SOBP: variants seen among roughly 807,000 people sequenced by gnomAD.
SOBP encodes the protein sine oculis binding protein homolog.
In SOBP, 4 loss-of-function variants were observed where a neutral mutation model predicts 53.6. That is an observed-to-expected ratio of 0.07 (90% confidence interval 0.04 to 0.17). The LOEUF (loss-of-function observed/expected upper bound fraction) is 0.17. Ranked by LOEUF, SOBP falls within the 10% of genes least tolerant of loss-of-function variation. The pLI, the probability that SOBP is intolerant of heterozygous loss-of-function variation, is 1.00. For synonymous variants in SOBP, 584 were observed against 522.6 expected (o/e 1.12, Z -1.60); for missense variants, 1,088 against 1,204.7 (o/e 0.90, Z 1.43).
In SOBP at chr6:107,658,588, A is replaced by T. The variant is rs760830561; in HGVS notation, c.*385A>T. 6.6e-6 allele frequency: 1 copy of T among 152,656 alleles called. No homozygotes were observed. Among genetic ancestry groups the T allele is most frequent in the Non-Finnish European group, 1.5e-5 (1 of 68,038 alleles). The allele number at this position is 152,656 out of a possible 1,614,324, so 9.5% of individuals were successfully genotyped here. A position where few individuals can be genotyped will look rare whatever the true frequency, so the allele number is the denominator to read the frequency against. On this transcript the variant is annotated 3_prime_UTR_variant, in exon 7 of 7. Transcript: ENST00000317357. ...CGACTGAGGCTGGAAGATGATATGGATTGGAACACAAAAAATCTTTTTTTA... is the reference window on the plus strand; with the variant it reads ...CGACTGAGGCTGGAAGATGATATGGTTTGGAACACAAAAAATCTTTTTTTA...
intron 4 of SOBP, among the ~76,000 whole-genome samples, chr6:107,558,514 C>T (rs944322360): frequency 4.6e-5 from 7 of 151,986 alleles, no homozygotes; most frequent in East Asian, 1.9e-4. Flanking sequence ...GTGATCCGCC[C>T]GCCTCGGCCT....
At chr6:107,619,155 C>G (rs1392108257) in intron 5 of SOBP, among the ~76,000 whole-genome samples, 2 of 152,108 alleles carry the variant, frequency 1.3e-5, no homozygotes, top group Non-Finnish European at 2.9e-5. Context: ...TTATCATGTG[C>G]AGGATGGGGT....
At chr6:107,542,191 T>C (rs1784166953) in intron 4 of SOBP, among the ~76,000 whole-genome samples, 1 of 152,148 alleles carries the variant, frequency 6.6e-6, no homozygotes, top group Non-Finnish European at 1.5e-5. Flanking sequence ...AGTGAAGGGC[T>C]GCTGTTTCAT....
chr6:107,618,651 T>C (rs566965909), intron 5 of SOBP, among the ~76,000 whole-genome samples: 2 of 152,360 alleles, frequency 1.3e-5, no homozygotes, highest in South Asian at 4.1e-4. Context: ...ATACAAAAAA[T>C]AGCGATATGC....
In SOBP at chr6:107,593,718, T is replaced by C. The variant is rs1785843092; in HGVS notation, c.669+6543T>C. ...AGTATACCTAGCACCTAATAAAAGC[T>C]CAACAACCAGTAGTCTTATTACTAA... is the stretch of plus-strand genomic sequence containing the variant. On this transcript the variant is annotated intron_variant, in intron 5 of 6. Transcript: ENST00000317357. 4.6e-5 allele frequency among the ~76,000 whole-genome samples: 7 copies of C among 152,276 alleles called. No individual in the cohort carries two copies. The South Asian group carries it at 1.5e-3, about 32-fold the overall frequency.
chr6:107,514,476 A>G (rs1421377483), intron 3 of SOBP: 2 of 152,194 alleles, frequency 1.3e-5, no homozygotes, highest in Admixed American at 1.3e-4. Context: ...ATACTATGAT[A>G]TGGGTCCTGC....
intron 1 of SOBP, 146 bp downstream of exon 1, chr6:107,490,858 T>C: frequency 1.5e-6 from 1 of 666,972 alleles, no homozygotes; most frequent in Non-Finnish European, 2.7e-6. Context: ...CCTCCAGGTG[T>C]AAAGCAGAGG....
intron 3 of SOBP, among the ~76,000 whole-genome samples, chr6:107,517,691 CTACTT>C (rs970517545): frequency 6.6e-6 from 1 of 152,170 alleles, no homozygotes; most frequent in African/African-American, 2.4e-5. Flanking sequence ...TGTTGATTCT[CTACTT>C]CACATCATTC....
intron 5 of SOBP, among the ~76,000 whole-genome samples, chr6:107,593,482 T>C (rs947755177): frequency 2.0e-5 from 3 of 152,324 alleles, no homozygotes; most frequent in Non-Finnish European, 2.9e-5. Flanking sequence ...TATGGAAGAC[T>C]GTGTGTTCTC....
chr6:107,628,338 C>T (rs1225342045), intron 5 of SOBP, among the ~76,000 whole-genome samples: 2 of 152,202 alleles, frequency 1.3e-5, no homozygotes, highest in African/African-American at 2.4e-5. Flanking sequence ...CTGCAGACAG[C>T]TCCTCTGTTA....
chr6:107,568,631 T>A (rs1379948209), intron 4 of SOBP, among the ~76,000 whole-genome samples: 1 of 152,226 alleles, frequency 6.6e-6, no homozygotes, highest in Non-Finnish European at 1.5e-5. Context: ...GGGAGAGATG[T>A]GTTGAATGAG....
At chr6:107,509,395 CAAA>C (rs1209752245) in intron 3 of SOBP, among the ~76,000 whole-genome samples, 2 of 65,586 alleles carry the variant, frequency 3.0e-5, no homozygotes, top group African/African-American at 6.2e-5. Flanking sequence ...ACTCCTGTCT[CAAA>C]AAAAAAAAAA....
chr6:107,618,358 T>G (rs551964972), intron 5 of SOBP, among the ~76,000 whole-genome samples: 1 of 152,198 alleles, frequency 6.6e-6, no homozygotes, highest in Non-Finnish European at 1.5e-5. Context: ...TTACTTAGTC[T>G]AGGGGTAGCT....
chr6:107,639,193 G>T (rs1191226025), intron 6 of SOBP, among the ~76,000 whole-genome samples: 1 of 152,154 alleles, frequency 6.6e-6, no homozygotes, highest in African/African-American at 2.4e-5. Context: ...GTGAGCCGCC[G>T]CTCCCAGTCT....
chr6:107,653,456 C>T (rs980851238), intron 6 of SOBP, among the ~76,000 whole-genome samples: 2 of 152,216 alleles, frequency 1.3e-5, no homozygotes, highest in African/African-American at 4.8e-5. Context: ...GATGGGCAGA[C>T]GTGCCCGAGT....
Position 107,634,656 on chromosome 6 carries a change from G to GGCCCTGAGCCTGGCGCCCAC in SOBP, c.1817_1836dup (p.Ala613Ter). 1 of 1,560,358 alleles carries GGCCCTGAGCCTGGCGCCCAC rather than the reference G, an allele frequency of 6.4e-7. No individual in the cohort carries two copies. Among genetic ancestry groups the GGCCCTGAGCCTGGCGCCCAC allele is most frequent in the Non-Finnish European group, 8.6e-7 (1 of 1,159,252 alleles). ...ACTCGCCCCCCGGCTGCTCGGGCCA[G>GGCCCTGAGCCTGGCGCCCAC]GCCCTGAGCCTGGCGCCCACGCCCG... On this transcript the variant is annotated frameshift_variant, in exon 6 of 7. Coordinates refer to ENST00000317357, the MANE Select transcript of SOBP (RefSeq NM_018013.4). LOFTEE classifies it high-confidence loss of function. This position sits in a 1 kb window ranked among gnomAD's most constrained non-coding sequence, Gnocchi z 4.5.
chr6:107,573,887 T>A (rs1785148413), intron 4 of SOBP, among the ~76,000 whole-genome samples: 1 of 152,230 alleles, frequency 6.6e-6, no homozygotes, highest in African/African-American at 2.4e-5. Flanking sequence ...ACCATTTGCT[T>A]TACTGTTATC....
chr6:107,635,460 T>C lies in SOBP; in HGVS notation c.2616T>C (p.Asn872=). ...GGTGCCTCCGAATTAGAAATCAGAA[T>C]AAGTAAAAGGTTTGTATGTCCGCCG... ...KRRCLRIRNQ[N]K Residue 872 remains asparagine, a synonymous_variant, in exon 6 of 7, where the codon AAT becomes AAC. Coordinates refer to ENST00000317357, the MANE Select transcript of SOBP (RefSeq NM_018013.4). This position sits in a 1 kb window ranked among gnomAD's most constrained non-coding sequence, Gnocchi z 4.5. The C allele has an allele frequency of 1.2e-6, 2 of 1,613,010 alleles. No homozygotes were observed. The highest frequency in any genetic ancestry group is 1.7e-6 in the Non-Finnish European group (2 of 1,179,976).
intron 6 of SOBP, among the ~76,000 whole-genome samples, chr6:107,638,192 T>C (rs1771136474): frequency 1.6e-5 from 2 of 125,080 alleles, no homozygotes; most frequent in African/African-American, 2.7e-5. Context: ...CCTTCCTGGT[T>C]TGTTTTATTT....
Sources: gnomAD v4.1 joint callset for allele counts (sites outside exome capture counted in the v4.1 genomes callset) on GRCh38, gnomAD v4.1.1 for gene constraint, Gnocchi (gnomAD v3.1) non-coding constraint, MANE v1.5 for transcripts, NCBI Gene and HGNC (gene_info 2026-07-23, HGNC 2026-07-21) for gene names.